Variants in TRERF1 observed in about 807,000 individuals in gnomAD.
TRERF1 encodes transcriptional-regulating factor 1.
TRERF1 carries 27 observed loss-of-function variants against 122.9 expected under a neutral mutation model. The observed-to-expected ratio is 0.22, with a 90% CI of 0.16 to 0.30. The LOEUF is 0.30. TRERF1 is among the 10% of genes least tolerant of loss of function. The probability of loss-of-function intolerance (pLI) is 1.00; values close to 1 mark genes in which losing one functional copy is unlikely to be tolerated. For synonymous variants in TRERF1, 636 were observed against 641.7 expected (o/e 0.99, Z 0.13); for missense variants, 1,248 against 1,560.3 (o/e 0.80, Z 3.37).
In TRERF1 at chr6:42,263,491, C is replaced by T. The variant is rs773589830; in HGVS notation, c.1713G>A (p.Gln571=). 1 of 1,583,352 alleles carries T rather than the reference C, an allele frequency of 6.3e-7. No homozygotes were observed. The highest frequency in any genetic ancestry group is 8.6e-7 in the Non-Finnish European group (1 of 1,162,262). ...TGAGGCTTTCTGCCTCGGGAGGGAGCTGTGGTGGCGGCGGAGGCGGAGGCG... is the reference window on the plus strand; with the variant it reads ...TGAGGCTTTCTGCCTCGGGAGGGAGTTGTGGTGGCGGCGGAGGCGGAGGCG... The change falls in exon 8 of 18, where the codon CAG becomes CAA. Residue 571 remains glutamine (Q), a synonymous_variant. Coordinates refer to ENST00000372922, the Ensembl canonical transcript of TRERF1. The surrounding 1 kb of genome is among the most constrained non-coding windows in gnomAD (Gnocchi z 5.6).
At chr6:42,261,156 T>C (rs1446977885) in intron 8 of TRERF1, among the ~76,000 whole-genome samples, 1 of 151,890 alleles carries the variant, frequency 6.6e-6, no homozygotes, top group Non-Finnish European at 1.5e-5. Context: ...CTGAGGAGAA[T>C]GGGGGAAGGA....
chr6:42,318,483 AAG>A (rs1762865079), intron 3 of TRERF1, among the ~76,000 whole-genome samples: 1 of 152,196 alleles, frequency 6.6e-6, no homozygotes, highest in Admixed American at 6.5e-5. Context: ...TGAAACAGCC[AAG>A]ACGAACCCTT....
intron 3 of TRERF1, among the ~76,000 whole-genome samples, chr6:42,323,267 C>T (rs565845773): frequency 1.3e-5 from 2 of 149,058 alleles, no homozygotes; most frequent in Non-Finnish European, 1.5e-5. Flanking sequence ...GGTGTGATCT[C>T]GGCTCACTGC....
At chr6:42,428,610 C>T (rs1438378211) in intron 2 of TRERF1, among the ~76,000 whole-genome samples, 3 of 152,218 alleles carry the variant, frequency 2.0e-5, no homozygotes, top group Non-Finnish European at 4.4e-5. Context: ...GGCCTATCCC[C>T]ATAGTGATCC....
chr6:42,329,342 C>G (rs145143301), intron 3 of TRERF1, among the ~76,000 whole-genome samples: 1 of 152,114 alleles, frequency 6.6e-6, no homozygotes, highest in African/African-American at 2.4e-5. Context: ...CCCCATCATG[C>G]CCCCTCCTGA....
intron 3 of TRERF1, among the ~76,000 whole-genome samples, chr6:42,320,710 CA>C (rs1373801008): frequency 2.4e-4 from 37 of 152,226 alleles, no homozygotes; most frequent in Admixed American, 4.6e-4. Context: ...GGGATTTCGC[CA>C]TGTTGGCGAG....
chr6:42,289,265 G>A (rs1205528207), intron 4 of TRERF1, among the ~76,000 whole-genome samples: 1 of 151,806 alleles, frequency 6.6e-6, no homozygotes, highest in Non-Finnish European at 1.5e-5. Context: ...GGCGGAGACT[G>A]CAGTGAGCCG....
At chr6:42,435,011 T>A (rs260256) in intron 2 of TRERF1, among the ~76,000 whole-genome samples, 106,427 of 151,686 alleles carry the variant, frequency 0.7, 38,583 homozygotes, top group Non-Finnish European at 0.8. Flanking sequence ...GTGCCTGTAA[T>A]CCCAGCTACT....
At chr6:42,321,583 G>GT (rs1267621057) in intron 3 of TRERF1, among the ~76,000 whole-genome samples, 2 of 152,180 alleles carry the variant, frequency 1.3e-5, no homozygotes, top group Middle Eastern at 3.2e-3. Context: ...ATGCAAGTAA[G>GT]TAAATAAATG....
intron 2 of TRERF1, among the ~76,000 whole-genome samples, chr6:42,436,852 C>T (rs1432351161): frequency 5.9e-5 from 5 of 84,418 alleles, no homozygotes; most frequent in African/African-American, 2.1e-4. Flanking sequence ...TATATATGAA[C>T]TACTTTCACT....
intron 4 of TRERF1, among the ~76,000 whole-genome samples, chr6:42,280,866 T>C (rs1465839847): frequency 6.6e-6 from 1 of 152,174 alleles, no homozygotes. Context: ...TTGTTCCAAA[T>C]CACAGCATGC....
At position 42,228,616 on chromosome 6, in the gene TRERF1, TG is replaced by T. The variant is rs1769905051; in HGVS notation, c.3331del (p.Gln1111ArgfsTer40). 6.2e-7 allele frequency: 1 copy of T among 1,613,734 alleles called. No homozygotes were observed. Among genetic ancestry groups the T allele is most frequent in the Non-Finnish European group, 8.5e-7 (1 of 1,179,934 alleles). ...AGCCTTTTGCCTCTGTTGTTCCTCC[TG>T]CTGCCTGTGAGTTTTCATGTGTGCA... On this transcript the variant is annotated frameshift_variant, in exon 18 of 18. Coordinates refer to ENST00000372922, the Ensembl canonical transcript of TRERF1. LOFTEE classifies it high-confidence loss of function. The surrounding 1 kb of genome is among the most constrained non-coding windows in gnomAD (Gnocchi z 4.2).
rs1006491511 is a variant in TRERF1 at position 42,289,964 on chromosome 6, A to T, written c.-259+10674T>A. On this transcript the variant is annotated intron_variant, in intron 4 of 17. Coordinates refer to ENST00000372922, the Ensembl canonical transcript of TRERF1. ...GATGTGACCTAGATGTCAGGTTCACATCTATGAAGCGTGGAGCACTGGGAG... is the reference window on the plus strand; with the variant it reads ...GATGTGACCTAGATGTCAGGTTCACTTCTATGAAGCGTGGAGCACTGGGAG... Among the ~76,000 whole-genome samples, 7 of 152,202 alleles carry T rather than the reference A, an allele frequency of 4.6e-5. 1 individual carries two copies. Among genetic ancestry groups the T allele is most frequent in the Admixed American group, 2.0e-4 (3 of 15,280 alleles).
chr6:42,430,009 C>G (rs1170416568), intron 2 of TRERF1, among the ~76,000 whole-genome samples: 1 of 151,722 alleles, frequency 6.6e-6, no homozygotes, highest in Non-Finnish European at 1.5e-5. Context: ...GGAAGAGCAA[C>G]CCCAGCAGAG....
chr6:42,232,935 AG>A lies in TRERF1; in HGVS notation c.3067-44del. On this transcript the variant is annotated intron_variant, in intron 16 of 17. Transcript: ENST00000372922. This position sits in a 1 kb window ranked among gnomAD's most constrained non-coding sequence, Gnocchi z 4.5. The stretch of plus-strand genomic sequence containing the variant: ...TGACATGACATCTACAGTCCTGAAA[AG>A]GAAATTAGGGTTATTAGTTACTCAG... 6.5e-7 allele frequency: 1 copy of A among 1,529,978 alleles called. No individual in the cohort carries two copies. Among genetic ancestry groups the A allele is most frequent in the Non-Finnish European group, 8.8e-7 (1 of 1,132,620 alleles). 94.8% of individuals were successfully genotyped at this position (1,529,978 alleles called of 1,614,324 possible).
intron 4 of TRERF1, among the ~76,000 whole-genome samples, chr6:42,294,773 C>G (rs1453852146): frequency 1.3e-5 from 2 of 152,202 alleles, no homozygotes; most frequent in African/African-American, 4.8e-5. Context: ...TCTCCGTCTG[C>G]ATCTAGGACA....
intron 13 of TRERF1, among the ~76,000 whole-genome samples, chr6:42,250,586 C>G (rs937366900): frequency 1.8e-4 from 27 of 152,086 alleles, no homozygotes; most frequent in Middle Eastern, 3.4e-3. Context: ...CTTCAACTAC[C>G]CCCCACACCC....
intron 4 of TRERF1, among the ~76,000 whole-genome samples, chr6:42,283,500 A>C (rs1309734346): frequency 6.6e-6 from 1 of 152,042 alleles, no homozygotes; most frequent in Non-Finnish European, 1.5e-5. Flanking sequence ...TGGGGAAAAG[A>C]GCAGGAGGGA....
At chr6:42,448,963 T>C (rs1452320151) in intron 2 of TRERF1, among the ~76,000 whole-genome samples, 3 of 152,246 alleles carry the variant, frequency 2.0e-5, no homozygotes, top group Non-Finnish European at 4.4e-5. Context: ...CTTTATTTTT[T>C]GTGACCACAC....
Sources: allele counts gnomAD v4.1 joint callset (sites outside exome capture counted in the v4.1 genomes callset), GRCh38; gene constraint gnomAD v4.1.1; non-coding constraint Gnocchi (gnomAD v3.1); transcripts MANE v1.5; gene names NCBI Gene and HGNC (gene_info 2026-07-23, HGNC 2026-07-21).